Variants in UGT1A1 observed in about 807,000 individuals in gnomAD.
UGT1A1 encodes the protein UDP glucuronosyltransferase family 1 member A1.
In UGT1A1, 33 loss-of-function variants were observed where a neutral mutation model predicts 40.6. The ratio of observed to expected loss-of-function variants is 0.81; its 90% CI spans 0.62 to 1.09. The LOEUF (loss-of-function observed/expected upper bound fraction) is 1.09. Ranked by LOEUF, UGT1A1 falls within the 50% of genes least tolerant of loss-of-function variation. UGT1A1 has a pLI of 0.00. For synonymous variants in UGT1A1, 249 were observed against 265.0 expected (o/e 0.94, Z 0.59); for missense variants, 694 against 671.2 (o/e 1.03, Z -0.38).
intron 1 of UGT1A1, among the ~76,000 whole-genome samples, chr2:233,764,543 G>A (rs1413559282): frequency 2.6e-5 from 4 of 152,222 alleles, no homozygotes; most frequent in South Asian, 2.1e-4. Context: ...CTGAGTGGGC[G>A]TGTGGGAGGG....
chr2:233,762,967 G>A (rs568860226), intron 1 of UGT1A1, among the ~76,000 whole-genome samples: 7 of 152,218 alleles, frequency 4.6e-5, no homozygotes, highest in Admixed American at 6.5e-5. Context: ...AAAGATGCCC[G>A]TCTTGCTGCT....
At chr2:233,771,979 G>A (rs35456228) in intron 4 of UGT1A1, among the ~76,000 whole-genome samples, 135 of 152,326 alleles carry the variant, frequency 8.9e-4, no homozygotes, top group African/African-American at 3.2e-3. Context: ...GCCAGACATA[G>A]TGGTGCATGA....
intron 4 of UGT1A1, chr2:233,770,251 G>A (rs1382246266): frequency 6.6e-6 from 1 of 152,150 alleles, no homozygotes; most frequent in Non-Finnish European, 1.5e-5. Flanking sequence ...CCAACACTCT[G>A]AGCTGGGGAT....
At chr2:233,768,093 C>T in intron 3 of UGT1A1, 127 bp from the exon 4 acceptor site, 1 of 1,591,452 alleles carries the variant, frequency 6.3e-7, no homozygotes, top group Non-Finnish European at 8.6e-7. Context: ...CCCACATTTT[C>T]TTCTGCAAAT....
Position 233,768,349 on chromosome 2 carries a change from A to T in UGT1A1, c.1214A>T (p.Glu405Val), listed in dbSNP as rs1699604029. The change falls in exon 4 of 5, where the codon GAG becomes GTG. Residue 405 changes from glutamate to valine, a missense_variant. By Grantham distance (121) the Glu-to-Val change is moderately radical. Coordinates refer to ENST00000305208, the MANE Select transcript of UGT1A1 (RefSeq NM_000463.3). The stretch of plus-strand genomic sequence containing the variant: ...CAGATGGACAATGCAAAGCGCATGG[A>T]GACTAAGGGAGCTGGAGTGACCCTG... Reference protein sequence around the residue: ...GDQMDNAKRMETKGAGVTLNV... With the variant: ...GDQMDNAKRMVTKGAGVTLNV... The T allele has an allele frequency of 1.2e-6, 2 of 1,614,182 alleles. No homozygotes were observed. Among genetic ancestry groups the T allele is most frequent in the Non-Finnish European group, 8.5e-7 (1 of 1,180,036 alleles).
Position 233,767,112 on chromosome 2 carries a change from C to T in UGT1A1, c.943C>T (p.Pro315Ser), listed in dbSNP as rs769666128. 1 of 1,614,080 alleles carries T rather than the reference C, an allele frequency of 6.2e-7. No individual in the cohort carries two copies. The highest frequency in any genetic ancestry group is 2.2e-5 in the East Asian group (1 of 44,856). The change falls in exon 2 of 5, where the codon CCA (proline) becomes TCA (serine). Residue 315 changes from proline to serine, a missense_variant. Coordinates refer to ENST00000305208, the MANE Select transcript of UGT1A1 (RefSeq NM_000463.3). ...TTTGGGATCAATGGTCTCAGAAATT[C>T]CAGAGAAGAAAGCTATGGCAATTGC... ...FSLGSMVSEI[P>S]EKKAMAIADA...
Position 233,772,408 on chromosome 2 carries a change from A to C in UGT1A1, c.1451A>C (p.Tyr484Ser), listed in dbSNP as rs1700517999. 1 of 1,614,210 alleles carries C rather than the reference A, an allele frequency of 6.2e-7. No individual in the cohort carries two copies. Among genetic ancestry groups the C allele is most frequent in the Non-Finnish European group, 8.5e-7 (1 of 1,180,026 alleles). ...CCCGCAGCCCACGACCTCACCTGGT[A>C]CCAGTACCATTCCTTGGACGTGATT... is the stretch of plus-strand genomic sequence containing the variant. ...LRPAAHDLTWYQYHSLDVIGF... is the reference protein window; with the variant it reads ...LRPAAHDLTWSQYHSLDVIGF... Residue 484 changes from tyrosine (Y) to serine (S), a missense_variant, in exon 5 of 5, where the codon TAC becomes TCC. Physicochemically the swap from Tyr to Ser is moderately radical, Grantham distance 144 (BLOSUM62 -2). Transcript: ENST00000305208.
chr2:233,761,078 A>G lies in UGT1A1; in HGVS notation c.791A>G (p.Tyr264Cys). The change falls in exon 1 of 5, where the codon TAC (tyrosine) becomes TGC (cysteine). Residue 264 changes from tyrosine to cysteine, a missense_variant. Transcript: ENST00000305208. ...WLFRSDFVKD[Y>C]PRPIMPNMVF... ...TTTAGAAGTGACTTTGTGAAGGATT[A>G]CCCTAGGCCCATCATGCCCAATATG... 6 of 1,614,128 alleles carry G rather than the reference A, an allele frequency of 3.7e-6. No individual in the cohort carries two copies. The highest frequency in any genetic ancestry group is 5.1e-6 in the Non-Finnish European group (6 of 1,180,014).
rs202172337 is a variant in UGT1A1, at chr2:233,772,279, T to A, written c.1322T>A (p.Met441Lys). Residue 441 changes from methionine to lysine, a missense_variant, in exon 5 of 5, where the codon ATG (methionine) becomes AAG (lysine). Coordinates refer to ENST00000305208, the MANE Select transcript of UGT1A1 (RefSeq NM_000463.3). ...INDKSYKENIMRLSSLHKDRP... is the reference protein window; with the variant it reads ...INDKSYKENIKRLSSLHKDRP... ...GTGTTTAGTTACAAGGAGAACATCA[T>A]GCGCCTCTCCAGCCTTCACAAGGAC... 1.9e-6 allele frequency: 3 copies of A among 1,614,146 alleles called. No individual in the cohort carries two copies. Among genetic ancestry groups the A allele is most frequent in the African/African-American group, 2.7e-5 (2 of 74,942 alleles).
Position 233,760,991 on chromosome 2 carries a change from C to G in UGT1A1, c.704C>G (p.Ser235Ter). The G allele has an allele frequency of 6.2e-7, 1 of 1,614,190 alleles. No homozygotes were observed. ...TATTCCCCGTATGCAACCCTTGCCT[C>G]AGAATTCCTTCAGAGAGAGGTGACT... ...VVYSPYATLA[S>*]EFLQREVTVQ... Residue 235 changes from serine (S) to a stop codon, truncating the protein, a stop_gained, in exon 1 of 5, where the codon TCA becomes TGA. Coordinates refer to ENST00000305208, the MANE Select transcript of UGT1A1 (RefSeq NM_000463.3). LOFTEE classifies it high-confidence loss of function.
chr2:233,768,750 T>C (rs190233981), intron 4 of UGT1A1, among the ~76,000 whole-genome samples: 30 of 152,044 alleles, frequency 2.0e-4, no homozygotes, highest in Admixed American at 8.5e-4. Flanking sequence ...GCCCGGTTAA[T>C]TTTTGTATTT....
rs1472229025 is a variant in UGT1A1 at position 233,772,837 on chromosome 2, T to C, written c.*278T>C. ...CGTGCAGACAGGCTGGCATTCTAGA[T>C]TACTTTTCTTACTCTGAAACATGGC... is the stretch of plus-strand genomic sequence containing the variant. On this transcript the variant is annotated 3_prime_UTR_variant, in exon 5 of 5. Transcript: ENST00000305208. 1.2e-6 allele frequency: 1 copy of C among 832,170 alleles called. No homozygotes were observed. The highest frequency in any genetic ancestry group is 1.7e-6 in the Non-Finnish European group (1 of 590,342). The allele number at this position is 832,170 out of a possible 1,614,324, so 51.5% of individuals were successfully genotyped here.
intron 1 of UGT1A1, among the ~76,000 whole-genome samples, chr2:233,762,294 C>T (rs867302636): frequency 2.0e-5 from 3 of 152,346 alleles, no homozygotes; most frequent in Middle Eastern, 3.4e-3. Flanking sequence ...AAGGTGCCAA[C>T]CGAGGTCTAG....
intron 4 of UGT1A1, chr2:233,770,791 A>G (rs1255344851): frequency 2.0e-5 from 3 of 152,202 alleles, no homozygotes; most frequent in Admixed American, 6.5e-5. Flanking sequence ...AACATTATAG[A>G]TATGTTTAAA....
In UGT1A1 at chr2:233,769,413, T is replaced by A; in HGVS notation, c.1304+974T>A. 1 of 1,369,868 alleles carries A rather than the reference T, an allele frequency of 7.3e-7. No homozygotes were observed. Among genetic ancestry groups the A allele is most frequent in the Non-Finnish European group, 1.0e-6 (1 of 976,294 alleles). 84.9% of individuals were successfully genotyped at this position (1,369,868 alleles called of 1,614,324 possible). Reference sequence around the variant, plus strand: ...ACTGTGTGCATATGTGCGTGTGCGTTTGTGCATGTGGCTGTGCTCATGTGT... The same window carrying A: ...ACTGTGTGCATATGTGCGTGTGCGTATGTGCATGTGGCTGTGCTCATGTGT... On this transcript the variant is annotated intron_variant, in intron 4 of 4. Coordinates refer to ENST00000305208, the MANE Select transcript of UGT1A1 (RefSeq NM_000463.3). The surrounding 1 kb of genome is among the most constrained non-coding windows in gnomAD (Gnocchi z 4.4).
chr2:233,766,431 T>C (rs2126025401), intron 1 of UGT1A1, among the ~76,000 whole-genome samples: 1 of 152,314 alleles, frequency 6.6e-6, no homozygotes, highest in Middle Eastern at 3.4e-3. Context: ...GATGTCCAGC[T>C]ACCTGTGTGT....
intron 4 of UGT1A1, chr2:233,771,269 T>A (rs1318778151): frequency 6.6e-6 from 1 of 152,200 alleles, no homozygotes; most frequent in African/African-American, 2.4e-5. Flanking sequence ...CCTTTTTTTT[T>A]CTTTCTTCTC....
At chr2:233,764,025 G>T (rs1387179659) in intron 1 of UGT1A1, among the ~76,000 whole-genome samples, 1 of 152,188 alleles carries the variant, frequency 6.6e-6, no homozygotes, top group Non-Finnish European at 1.5e-5. Flanking sequence ...TGGTGTCTAA[G>T]TGCTAAAGAA....
In UGT1A1 at chr2:233,767,146, T is replaced by A. The variant is rs372326047; in HGVS notation, c.977T>A (p.Leu326Ter). 2 of 1,614,014 alleles carry A rather than the reference T, an allele frequency of 1.2e-6. No homozygotes were observed. The highest frequency in any genetic ancestry group is 2.7e-5 in the African/African-American group (2 of 74,934). ...AAAGCTATGGCAATTGCTGATGCTT[T>A]GGGCAAAATCCCTCAGACAGTAAGA... Reference protein sequence around the residue: ...EKKAMAIADALGKIPQTVLWR... With the variant: ...EKKAMAIADA The change falls in exon 2 of 5, where the codon TTG becomes TAG. Residue 326 changes from leucine to a stop codon, truncating the protein, a stop_gained. Transcript: ENST00000305208. LOFTEE classifies it high-confidence loss of function.
Sources: allele counts gnomAD v4.1 joint callset (sites outside exome capture counted in the v4.1 genomes callset), GRCh38; gene constraint gnomAD v4.1.1; non-coding constraint Gnocchi (gnomAD v3.1); transcripts MANE v1.5; gene names NCBI Gene and HGNC (gene_info 2026-07-23, HGNC 2026-07-21).